The following RAMP1 variants were observed in gnomAD, a reference collection of about 807,000 sequenced individuals.
RAMP1 encodes the protein receptor activity modifying protein 1.
Under a neutral mutation model 8.2 loss-of-function variants are expected in RAMP1, and 7 were observed. That is an observed-to-expected ratio of 0.85 (90% CI 0.49 to 1.60). RAMP1 has a LOEUF of 1.60. RAMP1 is among the 40% of genes most tolerant of loss of function. The probability of loss-of-function intolerance (pLI) is 0.00; values close to 1 mark genes in which losing one functional copy is unlikely to be tolerated. For missense variants in RAMP1, 192 were observed against 202.4 expected, an observed-to-expected ratio of 0.95 and a Z score of 0.31; for synonymous variants, 92 against 84.7, an observed-to-expected ratio of 1.09 and a Z score of -0.47.
chr2:237,908,002 C>T (rs183095075), intron 2 of RAMP1, among the ~76,000 whole-genome samples: 253 of 152,254 alleles, frequency 1.7e-3, no homozygotes, highest in African/African-American at 5.7e-3. Context: ...AGGAATTGAG[C>T]TGGGTTTGGG....
intron 2 of RAMP1, among the ~76,000 whole-genome samples, chr2:237,910,842 G>A (rs1244219186): frequency 1.3e-5 from 2 of 149,572 alleles, no homozygotes; most frequent in Admixed American, 1.3e-4. Context: ...GTCACATGCA[G>A]AATAACACAG....
chr2:237,884,587 G>A (rs1041685085), intron 2 of RAMP1, among the ~76,000 whole-genome samples: 4 of 152,202 alleles, frequency 2.6e-5, no homozygotes, highest in African/African-American at 9.7e-5. Flanking sequence ...ACCCCACCCT[G>A]TATGGCTTCA....
chr2:237,872,392 C>G (rs1445535109), intron 1 of RAMP1, among the ~76,000 whole-genome samples: 1 of 152,194 alleles, frequency 6.6e-6, no homozygotes, highest in East Asian at 1.9e-4. Context: ...CAGGTGACTG[C>G]CCAGGTCGTG....
intron 1 of RAMP1, among the ~76,000 whole-genome samples, chr2:237,860,773 C>T (rs1048754321): frequency 6.6e-6 from 1 of 152,148 alleles, no homozygotes; most frequent in Non-Finnish European, 1.5e-5. Flanking sequence ...AAGCAGGGAC[C>T]ACCGGCGCTG....
At chr2:237,864,487 C>T (rs976274575) in intron 1 of RAMP1, among the ~76,000 whole-genome samples, 2 of 152,142 alleles carry the variant, frequency 1.3e-5, no homozygotes, top group East Asian at 1.9e-4. Context: ...GAGAGGGAAG[C>T]GGGGGAGGTG....
chr2:237,888,961 C>T (rs1247709117), intron 2 of RAMP1, among the ~76,000 whole-genome samples: 5 of 151,990 alleles, frequency 3.3e-5, no homozygotes, highest in African/African-American at 7.3e-5. Flanking sequence ...TTAATAGAGA[C>T]GGGGTTTCAC....
At chr2:237,903,815 C>T (rs1576557044) in intron 2 of RAMP1, among the ~76,000 whole-genome samples, 1 of 152,348 alleles carries the variant, frequency 6.6e-6, no homozygotes, top group East Asian at 1.9e-4. Flanking sequence ...CTGCCTTAGC[C>T]TCCCGAGTAG....
At chr2:237,860,391 G>T (rs1335716335) in intron 1 of RAMP1, among the ~76,000 whole-genome samples, 1 of 152,136 alleles carries the variant, frequency 6.6e-6, no homozygotes, top group East Asian at 1.9e-4. Context: ...AAAGAAGGAC[G>T]GGTCCCTTGG....
chr2:237,906,717 CTTTTTT>C (rs71402734), intron 2 of RAMP1, among the ~76,000 whole-genome samples: 5 of 86,212 alleles, frequency 5.8e-5, no homozygotes, highest in South Asian at 4.9e-4. Context: ...ATATCAACCT[CTTTTTT>C]TTTTTTTTTT....
chr2:237,864,332 AGGCCTGC>A (rs2062163368), intron 1 of RAMP1, among the ~76,000 whole-genome samples: 2 of 140,440 alleles, frequency 1.4e-5, no homozygotes, highest in African/African-American at 6.6e-5. Flanking sequence ...TTGCTTCGTA[AGGCCTGC>A]CGCTGTCAGG....
intron 1 of RAMP1, among the ~76,000 whole-genome samples, chr2:237,871,669 GC>G (rs2062246876): frequency 1.3e-5 from 2 of 152,134 alleles, no homozygotes; most frequent in African/African-American, 2.4e-5. Flanking sequence ...TCTTGGTCCT[GC>G]CCCCGCCAGT....
In RAMP1 at chr2:237,911,958, A is replaced by G; in HGVS notation, c.*175A>G. The G allele has an allele frequency of 8.6e-7, 1 of 1,159,308 alleles. No homozygotes were observed. Among genetic ancestry groups the G allele is most frequent in the Non-Finnish European group, 1.2e-6 (1 of 849,204 alleles). The allele number at this position is 1,159,308 out of a possible 1,614,324, so 71.8% of individuals were successfully genotyped here. On this transcript the variant is annotated 3_prime_UTR_variant, in exon 3 of 3. Coordinates refer to ENST00000254661, the MANE Select transcript of RAMP1 (RefSeq NM_005855.4). ...GCCGAGGCTCTGGTATTAACCTGGA[A>G]GCCCCCCTGGCTGGAGGCCACCGCC...
chr2:237,873,001 C>T (rs1047405392), intron 1 of RAMP1, among the ~76,000 whole-genome samples: 2 of 152,192 alleles, frequency 1.3e-5, no homozygotes, highest in Non-Finnish European at 2.9e-5. Flanking sequence ...CCAGCCTGGG[C>T]AACAGACCAA....
intron 2 of RAMP1, among the ~76,000 whole-genome samples, chr2:237,895,889 C>A (rs2062537799): frequency 6.6e-6 from 1 of 152,158 alleles, no homozygotes; most frequent in Non-Finnish European, 1.5e-5. Flanking sequence ...CATGTCACAC[C>A]CATGTCCCCG....
At chr2:237,870,756 C>T (rs575890199) in intron 1 of RAMP1, among the ~76,000 whole-genome samples, 11 of 152,120 alleles carry the variant, frequency 7.2e-5, no homozygotes, top group Non-Finnish European at 1.6e-4. Flanking sequence ...AGGGGTCTCC[C>T]ACCAGGTTCC....
At position 237,892,735 on chromosome 2, in the gene RAMP1, T is replaced by TTCTCTC. The variant is rs35656622; in HGVS notation, c.191+15391_191+15396dup. Among the ~76,000 whole-genome samples, 52 of 148,734 alleles carry TTCTCTC rather than the reference T, an allele frequency of 3.5e-4. No homozygotes were observed. In the East Asian group the frequency reaches 4.3e-3, roughly 12 times the overall value. ...AGGAATCTGGGTTTTGGGCTTCCTC[T>TTCTCTC]TCTCTCTCTCTCTCTCTCTCTCTTC... On this transcript the variant is annotated intron_variant, in intron 2 of 2. Coordinates refer to ENST00000254661, the MANE Select transcript of RAMP1 (RefSeq NM_005855.4).
At chr2:237,901,014 G>A (rs1375636225) in intron 2 of RAMP1, among the ~76,000 whole-genome samples, 1 of 152,222 alleles carries the variant, frequency 6.6e-6, no homozygotes, top group Non-Finnish European at 1.5e-5. Flanking sequence ...TGGGAGGTGT[G>A]TTTAAGTCTC....
rs2151009292 is a variant in RAMP1 at position 237,877,890 on chromosome 2, T to C, written c.191+528T>C. 1.1e-6 allele frequency: 1 copy of C among 932,316 alleles called. No individual in the cohort carries two copies. Among genetic ancestry groups the C allele is most frequent in the South Asian group, 5.0e-5 (1 of 20,184 alleles). 57.8% of individuals were successfully genotyped at this position (932,316 alleles called of 1,614,324 possible). A position where few individuals can be genotyped will look rare whatever the true frequency, so the allele number is the denominator to read the frequency against. On this transcript the variant is annotated intron_variant, in intron 2 of 2. Coordinates refer to ENST00000254661, the MANE Select transcript of RAMP1 (RefSeq NM_005855.4). This position sits in a 1 kb window ranked among gnomAD's most constrained non-coding sequence, Gnocchi z 4.4. ...CCTTCCCCACCTGGCCCGATCCTCC[T>C]GCCCAAGGGCCCTTCTTCCCGCTTG...
intron 2 of RAMP1, among the ~76,000 whole-genome samples, chr2:237,902,444 G>T (rs544173392): frequency 1.3e-5 from 2 of 151,964 alleles, no homozygotes; most frequent in East Asian, 3.9e-4. Flanking sequence ...AGGAGGACCA[G>T]GAGGACGCAG....
Sources: gnomAD v4.1 joint callset for allele counts (sites outside exome capture counted in the v4.1 genomes callset) on GRCh38, gnomAD v4.1.1 for gene constraint, Gnocchi (gnomAD v3.1) non-coding constraint, MANE v1.5 for transcripts, NCBI Gene and HGNC (gene_info 2026-07-23, HGNC 2026-07-21) for gene names.